ITPRID2: variants seen among roughly 807,000 people sequenced by gnomAD.
ITPRID2 encodes ITPR interacting domain containing 2.
In ITPRID2, 60 loss-of-function variants were observed where a neutral mutation model predicts 124.3. The ratio of observed to expected loss-of-function variants is 0.48; its 90% confidence interval spans 0.39 to 0.60. The LOEUF is 0.60. Ranked by LOEUF, ITPRID2 falls within the 20% of genes least tolerant of loss-of-function variation. The pLI is 0.00. For missense variants in ITPRID2, 1,553 were observed against 1,512.2 expected (o/e 1.03, Z -0.45); for synonymous variants, 521 against 542.9 (o/e 0.96, Z 0.56).
rs1692729260 is a variant in ITPRID2 at position 181,902,264 on chromosome 2, G to A, written c.1211G>A (p.Ser404Asn). 6.2e-7 allele frequency: 1 copy of A among 1,613,566 alleles called. No homozygotes were observed. Among genetic ancestry groups the A allele is most frequent in the East Asian group, 2.2e-5 (1 of 44,860 alleles). ...EQSKETQSHE[S>N]KLGEESGIVE... Reference sequence around the variant, plus strand: ...AGTAAAGAAACTCAAAGTCATGAGAGTAAACTGGGTGAGGAATCTGGTATT... The same window carrying A: ...AGTAAAGAAACTCAAAGTCATGAGAATAAACTGGGTGAGGAATCTGGTATT... Residue 404 changes from serine (S) to asparagine (N), a missense_variant, in exon 8 of 18, where the codon AGT becomes AAT. Coordinates refer to ENST00000431877, the MANE Select transcript of ITPRID2 (RefSeq NM_001130445.3). The surrounding 1 kb of genome is among the most constrained non-coding windows in gnomAD (Gnocchi z 4.4).
intron 9 of ITPRID2, 28 bp from the exon 10 acceptor site, chr2:181,913,817 T>C (rs761584007): frequency 6.4e-7 from 1 of 1,557,340 alleles, no homozygotes; most frequent in East Asian, 2.3e-5. Flanking sequence ...ATCATCTGTT[T>C]CTTATAGCCA....
intron 17 of ITPRID2, among the ~76,000 whole-genome samples, chr2:181,928,719 G>A (rs943787269): frequency 6.6e-6 from 1 of 151,270 alleles, no homozygotes. Flanking sequence ...TCCGCCTCCC[G>A]GGTTCACGCC....
rs75360347 is a variant in ITPRID2, at chr2:181,919,815, C to T, written c.3144+369C>T. 0.036 allele frequency among the ~76,000 whole-genome samples: 5,481 copies of T among 150,222 alleles called. 131 individuals are homozygous for T. The highest frequency in any genetic ancestry group is 0.099 in the South Asian group (474 of 4,778). On this transcript the variant is annotated intron_variant, in intron 14 of 17. Coordinates refer to ENST00000431877, the MANE Select transcript of ITPRID2 (RefSeq NM_001130445.3). This position sits in a 1 kb window ranked among gnomAD's most constrained non-coding sequence, Gnocchi z 4.2. ...GATGCATATTTTGCTGTTTTTTTTT[C>T]TTTCATGCCTTTAAATAAAAAAGTG...
In ITPRID2 at chr2:181,891,951, C is replaced by G. The variant is rs1194696520; in HGVS notation, c.-116C>G. ...CCTCCTCCTCCTCCTCCGGCGCCCG[C>G]TTCAGCTCCCCGGGGCCCCCTGCCC... On this transcript the variant is annotated 5_prime_UTR_variant, in exon 1 of 18. Coordinates refer to ENST00000431877, the MANE Select transcript of ITPRID2 (RefSeq NM_001130445.3). 1 of 892,196 alleles carries G rather than the reference C, an allele frequency of 1.1e-6. No individual in the cohort carries two copies. The highest frequency in any genetic ancestry group is 1.8e-5 in the African/African-American group (1 of 56,426). 55.3% of individuals were successfully genotyped at this position (892,196 alleles called of 1,614,324 possible).
intron 2 of ITPRID2, chr2:181,894,479 C>T (rs1692023854): frequency 6.6e-6 from 1 of 152,124 alleles, no homozygotes; most frequent in South Asian, 2.1e-4. Flanking sequence ...TTAATCTTGG[C>T]TATATTATCA....
At position 181,902,283 on chromosome 2, in the gene ITPRID2, T is replaced by C. The variant is rs1297804518; in HGVS notation, c.1230T>C (p.Ser410=). The part of the protein sequence containing the change: ...QSHESKLGEE[S]GIVESKLDSD... Reference sequence around the variant, plus strand: ...ATGAGAGTAAACTGGGTGAGGAATCTGGTATTGTAGAATCCAAATTAGATA... The same window carrying C: ...ATGAGAGTAAACTGGGTGAGGAATCCGGTATTGTAGAATCCAAATTAGATA... Residue 410 remains serine (S), a synonymous_variant, in exon 8 of 18, where the codon TCT becomes TCC. Transcript: ENST00000431877. The surrounding 1 kb of genome is among the most constrained non-coding windows in gnomAD (Gnocchi z 4.4). The C allele has an allele frequency of 1.2e-6, 2 of 1,613,632 alleles. No homozygotes were observed. The highest frequency in any genetic ancestry group is 2.7e-5 in the African/African-American group (2 of 74,918).
At chr2:181,912,622 C>T (rs1693692563) in intron 9 of ITPRID2, among the ~76,000 whole-genome samples, 1 of 151,994 alleles carries the variant, frequency 6.6e-6, no homozygotes, top group African/African-American at 2.4e-5. Context: ...CTATGTGGTT[C>T]ATATCTTAAA....
In ITPRID2 at chr2:181,930,610, G is replaced by A. The variant is rs1308852618; in HGVS notation, c.*1063G>A. 1 of 152,520 alleles carries A rather than the reference G, an allele frequency of 6.6e-6. No individual in the cohort carries two copies. The highest frequency in any genetic ancestry group is 1.9e-4 in the East Asian group (1 of 5,200). 9.4% of individuals were successfully genotyped at this position (152,520 alleles called of 1,614,324 possible). On this transcript the variant is annotated 3_prime_UTR_variant, in exon 18 of 18. Transcript: ENST00000431877. ...TTTGTGTGTGATATTTTAATCAAAA[G>A]TGGTTGAGTTGTTAACAGTGTTCTT...
chr2:181,904,310 G>A (rs1032133364), intron 8 of ITPRID2, among the ~76,000 whole-genome samples: 1 of 151,988 alleles, frequency 6.6e-6, no homozygotes, highest in Non-Finnish European at 1.5e-5. Context: ...TACATGCATT[G>A]GTGGAAGAAT....
Position 181,892,421 on chromosome 2 carries a change from C to T in ITPRID2, c.211+144C>T. On this transcript the variant is annotated intron_variant, in intron 1 of 17. Coordinates refer to ENST00000431877, the MANE Select transcript of ITPRID2 (RefSeq NM_001130445.3). The surrounding 1 kb of genome is among the most constrained non-coding windows in gnomAD (Gnocchi z 5.2). ...GGGACACTTCCGACCTTCAAACGCG[C>T]GCGCTGAACGAGGCGCCCCCAGCGT... The T allele has an allele frequency of 1.7e-6, 2 of 1,161,378 alleles. No homozygotes were observed. Among genetic ancestry groups the T allele is most frequent in the Non-Finnish European group, 2.4e-6 (2 of 828,110 alleles). The allele number at this position is 1,161,378 out of a possible 1,614,324, so 71.9% of individuals were successfully genotyped here. A position where few individuals can be genotyped will look rare whatever the true frequency, so the allele number is the denominator to read the frequency against.
rs560789525 is a variant in ITPRID2 at position 181,923,798 on chromosome 2, G to C, written c.3675+1386G>C. Among the ~76,000 whole-genome samples the C allele has an allele frequency of 2.3e-3, 345 of 151,972 alleles. 3 individuals are homozygous for C. Among genetic ancestry groups the C allele is most frequent in the African/African-American group, 7.9e-3 (329 of 41,424 alleles). ...CAAATACTCCATTCAATGCACACTTGAATCCTCATTTTTAGAATTTTAATG... is the reference window on the plus strand; with the variant it reads ...CAAATACTCCATTCAATGCACACTTCAATCCTCATTTTTAGAATTTTAATG... On this transcript the variant is annotated intron_variant, in intron 16 of 17. Transcript: ENST00000431877.
rs1052544612 is a variant in ITPRID2 at position 181,892,430 on chromosome 2, C to T, written c.211+153C>T. 6 of 1,133,756 alleles carry T rather than the reference C, an allele frequency of 5.3e-6. No individual in the cohort carries two copies. Among genetic ancestry groups the T allele is most frequent in the Middle Eastern group, 2.1e-4 (1 of 4,760 alleles). 70.2% of individuals were successfully genotyped at this position (1,133,756 alleles called of 1,614,324 possible). ...CCGACCTTCAAACGCGCGCGCTGAA[C>T]GAGGCGCCCCCAGCGTCAACACAGA... is the stretch of plus-strand genomic sequence containing the variant. On this transcript the variant is annotated intron_variant, in intron 1 of 17. Coordinates refer to ENST00000431877, the MANE Select transcript of ITPRID2 (RefSeq NM_001130445.3). This position sits in a 1 kb window ranked among gnomAD's most constrained non-coding sequence, Gnocchi z 5.2.
intron 9 of ITPRID2, among the ~76,000 whole-genome samples, chr2:181,912,030 T>C (rs1272996346): frequency 2.0e-5 from 3 of 152,188 alleles, no homozygotes; most frequent in Non-Finnish European, 4.4e-5. Flanking sequence ...AAACATACCT[T>C]AGCAGAGAGA....
chr2:181,916,573 G>T, intron 11 of ITPRID2, 146 bp downstream of exon 11: 2 of 1,069,694 alleles, frequency 1.9e-6, no homozygotes, highest in Non-Finnish European at 2.6e-6. Context: ...ATCTGCCTTC[G>T]TTTTCTATCT....
rs571945645 is a variant in ITPRID2 at position 181,909,827 on chromosome 2, A to G, written c.1414-72A>G. On this transcript the variant is annotated intron_variant, in intron 8 of 17. Transcript: ENST00000431877. ...TGAGTTAGGTTGATTTGTTTAATAGATATTTATTCAAGAAGTTATACTTGT... is the reference window on the plus strand; with the variant it reads ...TGAGTTAGGTTGATTTGTTTAATAGGTATTTATTCAAGAAGTTATACTTGT... The G allele has an allele frequency of 2.3e-5, 26 of 1,110,008 alleles. No individual in the cohort carries two copies. The African/African-American group carries it at 3.0e-4, about 13-fold the overall frequency. The allele number at this position is 1,110,008 out of a possible 1,614,324, so 68.8% of individuals were successfully genotyped here. A position where few individuals can be genotyped will look rare whatever the true frequency, so the allele number is the denominator to read the frequency against.
chr2:181,927,696 A>G (rs1263545583), intron 16 of ITPRID2, among the ~76,000 whole-genome samples: 1 of 152,186 alleles, frequency 6.6e-6, no homozygotes, highest in Non-Finnish European at 1.5e-5. Context: ...ATGTCTTTAG[A>G]TACCTTGCTG....
chr2:181,925,244 A>G (rs754090182), intron 16 of ITPRID2, among the ~76,000 whole-genome samples: 9 of 152,198 alleles, frequency 5.9e-5, no homozygotes, highest in Non-Finnish European at 1.2e-4. Context: ...TAATAAGTGG[A>G]TGTGTTCCCA....
At position 181,915,338 on chromosome 2, in the gene ITPRID2, A is replaced by G; in HGVS notation, c.1698A>G (p.Glu566=). Reference sequence around the variant, plus strand: ...CACAAGACCAGCCTTATTTTAATGAATCAGAGGAGGAGTCTCTTGTCCCTC... The same window carrying G: ...CACAAGACCAGCCTTATTTTAATGAGTCAGAGGAGGAGTCTCTTGTCCCTC... ...PTAQDQPYFN[E]SEEESLVPLQ... is the part of the protein sequence containing the mutation. The change falls in exon 11 of 18, where the codon GAA becomes GAG. Residue 566 remains glutamate, a synonymous_variant. Transcript: ENST00000431877. 2 of 1,614,194 alleles carry G rather than the reference A, an allele frequency of 1.2e-6. No homozygotes were observed. Among genetic ancestry groups the G allele is most frequent in the African/African-American group, 1.3e-5 (1 of 75,034 alleles).
intron 11 of ITPRID2, 48 bp downstream of exon 11, chr2:181,916,475 G>C: frequency 1.3e-6 from 2 of 1,558,946 alleles, no homozygotes; most frequent in South Asian, 2.4e-5. Flanking sequence ...TTACTGCTCT[G>C]AGCACTTTTT....
Sources: gnomAD v4.1 joint callset for allele counts (sites outside exome capture counted in the v4.1 genomes callset) on GRCh38, gnomAD v4.1.1 for gene constraint, Gnocchi (gnomAD v3.1) non-coding constraint, MANE v1.5 for transcripts, NCBI Gene and HGNC (gene_info 2026-07-23, HGNC 2026-07-21) for gene names.